The following TENM1 variants were observed in gnomAD, a reference collection of about 807,000 sequenced individuals.
TENM1 encodes the protein teneurin transmembrane protein 1.
TENM1 carries 35 observed loss-of-function variants against 174.8 expected under a neutral mutation model. The observed-to-expected ratio is 0.20, with a 90% CI of 0.15 to 0.27. The LOEUF is 0.27. Ranked by LOEUF, TENM1 falls within the 10% of genes least tolerant of loss-of-function variation. The pLI, the probability that TENM1 is intolerant of heterozygous loss-of-function variation, is 1.00. For missense variants in TENM1, 1,633 were observed against 2,130.1 expected, an observed-to-expected ratio of 0.77 and a Z score of 4.59; for synonymous variants, 781 against 798.7, an observed-to-expected ratio of 0.98 and a Z score of 0.37.
Position 124,601,902 on chromosome X carries a change from G to C in TENM1, c.2078-36342C>G, listed in dbSNP as rs927269909. Among the ~76,000 whole-genome samples the C allele has an allele frequency of 2.6e-4, 29 of 111,184 alleles. 1 individual carries two copies. Among genetic ancestry groups the C allele is most frequent in the African/African-American group, 9.1e-4 (28 of 30,731 alleles). On this transcript the variant is annotated intron_variant, in intron 11 of 31. Coordinates refer to ENST00000422452, the Ensembl canonical transcript of TENM1. ...ACATTTTTCTACATTCTTTCTTAAAGGAAGTCCTACTTATATAGAACTTCT... is the reference window on the plus strand; with the variant it reads ...ACATTTTTCTACATTCTTTCTTAAACGAAGTCCTACTTATATAGAACTTCT...
the TENM1 span, among the ~76,000 whole-genome samples, chrX:125,169,505 CT>C: frequency 9.0e-6 from 1 of 111,727 alleles, no homozygotes; most frequent in South Asian, 3.7e-4. Context: ...TTTGGCCTTG[CT>C]TTTAAAGGAA....
In TENM1 at chrX:124,669,196, C is replaced by G. The variant is rs142878497; in HGVS notation, c.1168+2487G>C. ...TATGAGACAGGTACTATTATTATCA[C>G]CCTTATTTTACAGATGAGGGCACTG... On this transcript the variant is annotated intron_variant, in intron 6 of 31. Transcript: ENST00000422452. 7.7e-3 allele frequency among the ~76,000 whole-genome samples: 856 copies of G among 111,722 alleles called. 4 individuals carry two copies. Among genetic ancestry groups the G allele is most frequent in the Non-Finnish European group, 0.011 (595 of 53,107 alleles).
At chrX:124,518,387 G>A (rs1044533243) in intron 18 of TENM1, among the ~76,000 whole-genome samples, 5 of 98,387 alleles carry the variant, frequency 5.1e-5, no homozygotes, top group Admixed American at 1.1e-4. Flanking sequence ...GAGATTATGC[G>A]TGTGTGTGTG....
chrX:125,084,128 C>T, the TENM1 span, among the ~76,000 whole-genome samples: 4 of 110,687 alleles, frequency 3.6e-5, no homozygotes, highest in East Asian at 8.5e-4. Flanking sequence ...TTTGTTTCAG[C>T]CTTCCCTCCC....
chrX:124,556,199 T>C (rs1190391194), intron 14 of TENM1, among the ~76,000 whole-genome samples: 2 of 110,151 alleles, frequency 1.8e-5, no homozygotes, highest in Non-Finnish European at 3.8e-5. Context: ...ATCCCAGCAC[T>C]TTGGGAGGCT....
the TENM1 span, among the ~76,000 whole-genome samples, chrX:125,110,063 G>T: frequency 9.0e-6 from 1 of 111,511 alleles, no homozygotes. Flanking sequence ...CAGAAGAAAA[G>T]AACTAATTTT....
At chrX:124,474,998 A>T (rs897290019) in intron 22 of TENM1, among the ~76,000 whole-genome samples, 2 of 111,816 alleles carry the variant, frequency 1.8e-5, no homozygotes, top group Non-Finnish European at 3.8e-5. Flanking sequence ...CTGATTCTAA[A>T]ACAAGGTTGT....
chrX:124,637,466 C>T (rs764558663), intron 11 of TENM1, among the ~76,000 whole-genome samples: 4 of 111,365 alleles, frequency 3.6e-5, no homozygotes, highest in African/African-American at 9.8e-5. Flanking sequence ...ATCAAGTTTG[C>T]GTCATTTTTT....
At chrX:124,961,601 G>C (rs2058654906) in intron 1 of TENM1, among the ~76,000 whole-genome samples, 1 of 111,278 alleles carries the variant, frequency 9.0e-6, no homozygotes, top group Non-Finnish European at 1.9e-5. Context: ...CCAAGATCAT[G>C]CCACTGCATT....
chrX:125,190,382 T>C, the TENM1 span, among the ~76,000 whole-genome samples: 6 of 112,729 alleles, frequency 5.3e-5, no homozygotes, highest in Admixed American at 3.8e-4. Flanking sequence ...TGAAGAAATA[T>C]AGTGAGTAAT....
At chrX:124,858,161 G>C (rs1180247622) in intron 3 of TENM1, among the ~76,000 whole-genome samples, 2 of 112,232 alleles carry the variant, frequency 1.8e-5, no homozygotes, top group Non-Finnish European at 3.8e-5. Context: ...TTAGTCCTTT[G>C]ACAAATGTTT....
chrX:124,542,164 T>G (rs1466912124), intron 15 of TENM1, among the ~76,000 whole-genome samples: 1 of 112,588 alleles, frequency 8.9e-6, no homozygotes, highest in Non-Finnish European at 1.9e-5. Flanking sequence ...CCATGCCTTA[T>G]CTGAATGTCT....
intron 20 of TENM1, among the ~76,000 whole-genome samples, chrX:124,489,907 C>T (rs1266957023): frequency 1.8e-5 from 2 of 111,601 alleles, no homozygotes; most frequent in African/African-American, 6.5e-5. Context: ...AGAGCACACT[C>T]CTGACTGTCA....
At chrX:124,871,597 G>GA (rs1327325049) in intron 3 of TENM1, among the ~76,000 whole-genome samples, 1 of 112,012 alleles carries the variant, frequency 8.9e-6, no homozygotes, top group South Asian at 3.7e-4. Flanking sequence ...ATAAGTAATT[G>GA]AAAATGGATG....
chrX:124,588,374 A>C (rs1177886318), intron 11 of TENM1, among the ~76,000 whole-genome samples: 1 of 112,010 alleles, frequency 8.9e-6, no homozygotes, highest in African/African-American at 3.3e-5. Flanking sequence ...AAAAAGGATG[A>C]GTTCATGTCC....
chrX:124,584,789 C>A (rs1225789614), intron 11 of TENM1, among the ~76,000 whole-genome samples: 1 of 110,840 alleles, frequency 9.0e-6, no homozygotes, highest in African/African-American at 3.3e-5. Flanking sequence ...TTCAGGAAAC[C>A]CATCTCATGT....
chrX:124,646,698 A>G lies in TENM1; in HGVS notation c.1681+11T>C, dbSNP rs764291221. 1.8e-6 allele frequency: 2 copies of G among 1,140,404 alleles called. No homozygotes were observed. The highest frequency in any genetic ancestry group is 2.4e-6 in the Non-Finnish European group (2 of 835,122). 94.0% of individuals were successfully genotyped at this position (1,140,404 alleles called of 1,213,427 possible). On this transcript the variant is annotated intron_variant, in intron 9 of 31. Transcript: ENST00000422452. ...TTTCCTAAACCAATCAGAATAACAGAGCAACATTACCTCTAGCACAGTCAG... is the reference window on the plus strand; with the variant it reads ...TTTCCTAAACCAATCAGAATAACAGGGCAACATTACCTCTAGCACAGTCAG...
At chrX:124,823,697 C>A (rs978149333) in intron 3 of TENM1, among the ~76,000 whole-genome samples, 3 of 109,303 alleles carry the variant, frequency 2.7e-5, no homozygotes, top group Admixed American at 2.0e-4. Context: ...AGGTTTCACA[C>A]ACAAATTTAG....
chrX:125,121,462 A>AATACAG, the TENM1 span, among the ~76,000 whole-genome samples: 2 of 112,276 alleles, frequency 1.8e-5, no homozygotes, highest in Non-Finnish European at 3.8e-5. Flanking sequence ...TCTCTACTGA[A>AATACAG]ATACAGATTT....
Sources: allele counts gnomAD v4.1 joint callset (sites outside exome capture counted in the v4.1 genomes callset), GRCh38; gene constraint gnomAD v4.1.1; transcripts MANE v1.5; gene names NCBI Gene and HGNC (gene_info 2026-07-23, HGNC 2026-07-21).